The following SMYD2 variants were observed in gnomAD, a reference collection of about 807,000 sequenced individuals.
SMYD2 encodes N-lysine methyltransferase SMYD2.
SMYD2 carries 53 observed loss-of-function variants against 59.1 expected under a neutral mutation model. That is an observed-to-expected ratio of 0.90 (90% CI 0.72 to 1.13). The LOEUF is 1.13. Among genes scored for constraint, SMYD2 ranks in the 50% most tolerant of loss-of-function variants. The pLI is 0.00. For missense variants in SMYD2, 494 were observed against 544.7 expected, an observed-to-expected ratio of 0.91 and a Z score of 0.93; for synonymous variants, 208 against 198.8, an observed-to-expected ratio of 1.05 and a Z score of -0.39.
chr1:214,304,975 A>C (rs886215531), intron 1 of SMYD2, among the ~76,000 whole-genome samples: 1 of 151,994 alleles, frequency 6.6e-6, no homozygotes, highest in African/African-American at 2.4e-5. Flanking sequence ...GGGTTTGGTA[A>C]ATGTGAGTGC....
intron 1 of SMYD2, among the ~76,000 whole-genome samples, chr1:214,290,779 T>G (rs1279813270): frequency 6.6e-6 from 1 of 152,180 alleles, no homozygotes; most frequent in Non-Finnish European, 1.5e-5. Flanking sequence ...ATTTTATGTC[T>G]TGGCACTTGG....
chr1:214,294,735 G>A (rs1656695527), intron 1 of SMYD2, among the ~76,000 whole-genome samples: 1 of 152,136 alleles, frequency 6.6e-6, no homozygotes, highest in Non-Finnish European at 1.5e-5. Context: ...TGTCTGGACA[G>A]GTAGTTAACA....
chr1:214,317,438 C>T (rs1657104897), intron 3 of SMYD2, among the ~76,000 whole-genome samples: 1 of 152,156 alleles, frequency 6.6e-6, no homozygotes, highest in South Asian at 2.1e-4. Context: ...ACCTGTATCC[C>T]CAAATTGAAT....
chr1:214,287,382 T>TTA (rs1242444299), intron 1 of SMYD2, among the ~76,000 whole-genome samples: 1 of 149,534 alleles, frequency 6.7e-6, no homozygotes, highest in East Asian at 2.0e-4. Flanking sequence ...AGGTCAGGAG[T>TTA]TTGAGACCAG....
intron 1 of SMYD2, among the ~76,000 whole-genome samples, chr1:214,293,667 C>A (rs1171703130): frequency 3.3e-5 from 5 of 152,106 alleles, no homozygotes; most frequent in Admixed American, 1.3e-4. Context: ...GTAGGCAGGG[C>A]AGATTTCCCC....
chr1:214,309,228 A>G (rs17022459), intron 2 of SMYD2, among the ~76,000 whole-genome samples: 6,576 of 152,310 alleles, frequency 0.043, 458 homozygotes, highest in African/African-American at 0.15. Flanking sequence ...TTGCTAATGC[A>G]TGAAAGGGTA....
At chr1:214,291,363 T>C (rs1256477748) in intron 1 of SMYD2, among the ~76,000 whole-genome samples, 1 of 152,234 alleles carries the variant, frequency 6.6e-6, no homozygotes, top group Non-Finnish European at 1.5e-5. Flanking sequence ...TTAACCATGT[T>C]GGGACTCAGA....
chr1:214,281,456 C>A, intron 1 of SMYD2, 29 bp downstream of exon 1: 1 of 1,336,004 alleles, frequency 7.5e-7, no homozygotes, highest in Non-Finnish European at 9.7e-7. Context: ...CGGCGGCGGG[C>A]GGGAGCCGGG....
chr1:214,308,756 C>T (rs904645337), intron 2 of SMYD2, among the ~76,000 whole-genome samples: 5 of 152,106 alleles, frequency 3.3e-5, no homozygotes, highest in African/African-American at 1.2e-4. Flanking sequence ...GATAAGAAAA[C>T]GTAGTCCCAA....
intron 10 of SMYD2, 60 bp from the exon 11 acceptor site, chr1:214,334,140 C>T: frequency 6.6e-7 from 1 of 1,507,730 alleles, no homozygotes; most frequent in Non-Finnish European, 9.2e-7. Context: ...CTGCACCCAG[C>T]CTGTGGGGCG....
intron 1 of SMYD2, among the ~76,000 whole-genome samples, chr1:214,286,527 C>T (rs942859019): frequency 6.6e-6 from 1 of 151,870 alleles, no homozygotes; most frequent in Admixed American, 6.6e-5. Context: ...TCCCAACACT[C>T]TGGGAGGCTG....
chr1:214,298,063 T>G (rs7552475), intron 1 of SMYD2, among the ~76,000 whole-genome samples: 15,340 of 152,102 alleles, frequency 0.1, 1,004 homozygotes, highest in South Asian at 0.19. Context: ...TTTCTAAAAT[T>G]CATGTGGAAC....
chr1:214,287,811 A>G (rs1656575741), intron 1 of SMYD2, among the ~76,000 whole-genome samples: 1 of 152,202 alleles, frequency 6.6e-6, no homozygotes, highest in Non-Finnish European at 1.5e-5. Context: ...TTTAATAAGA[A>G]AAAACAAATA....
chr1:214,298,868 T>C (rs1656774730), intron 1 of SMYD2, among the ~76,000 whole-genome samples: 1 of 152,206 alleles, frequency 6.6e-6, no homozygotes, highest in African/African-American at 2.4e-5. Context: ...AAATAACAGA[T>C]GTGGCTGTGC....
chr1:214,281,404 C>T lies in SMYD2; in HGVS notation c.150C>T (p.Asn50=). The part of the protein sequence containing the change: ...AYVLTVNERG[N]HCEYCFTRKE... ...TGCTCACGGTCAACGAGCGGGGCAACCACTGCGAGTACTGCTTCACCAGGT... is the reference window on the plus strand; with the variant it reads ...TGCTCACGGTCAACGAGCGGGGCAATCACTGCGAGTACTGCTTCACCAGGT... Residue 50 remains asparagine (N), a synonymous_variant, in exon 1 of 12, where the codon AAC becomes AAT. Transcript: ENST00000366957. The T allele has an allele frequency of 6.9e-7, 1 of 1,459,720 alleles. No homozygotes were observed. The highest frequency in any genetic ancestry group is 9.1e-7 in the Non-Finnish European group (1 of 1,101,146). 90.4% of individuals were successfully genotyped at this position (1,459,720 alleles called of 1,614,324 possible). A position where few individuals can be genotyped will look rare whatever the true frequency, so the allele number is the denominator to read the frequency against.
intron 5 of SMYD2, among the ~76,000 whole-genome samples, chr1:214,323,876 A>C (rs774721108): frequency 5.1e-4 from 78 of 152,350 alleles, no homozygotes; most frequent in Non-Finnish European, 9.8e-4. Flanking sequence ...CAGTTAGATT[A>C]GATGAATAAG....
intron 1 of SMYD2, among the ~76,000 whole-genome samples, chr1:214,292,205 G>A (rs1307938602): frequency 6.6e-6 from 1 of 151,980 alleles, no homozygotes; most frequent in Non-Finnish European, 1.5e-5. Context: ...GCTTCCTGAT[G>A]GACACCCTCA....
chr1:214,324,715 T>G lies in SMYD2; in HGVS notation c.602+7T>G, dbSNP rs780193263. On this transcript the variant is annotated splice_region_variant and intron_variant, in intron 6 of 11. Transcript: ENST00000366957. ...GATCAGCGATATTTCCTGAGTAGGC[T>G]GTGTTTGACTTCATTTCTTTCCTTT... 1.0e-5 allele frequency: 16 copies of G among 1,605,646 alleles called. No individual in the cohort carries two copies. The East Asian group carries it at 3.6e-4, about 36-fold the overall frequency.
At chr1:214,327,494 A>T in intron 6 of SMYD2, 128 bp from the exon 7 acceptor site, 1 of 716,748 alleles carries the variant, frequency 1.4e-6, no homozygotes, top group South Asian at 1.7e-5. Flanking sequence ...TGTGATAGCC[A>T]ACTATTAGAT....
Sources: allele counts gnomAD v4.1 joint callset (sites outside exome capture counted in the v4.1 genomes callset), GRCh38; gene constraint gnomAD v4.1.1; transcripts MANE v1.5; gene names NCBI Gene and HGNC (gene_info 2026-07-23, HGNC 2026-07-21).